Variants in TMC6 observed in about 807,000 individuals in gnomAD.
TMC6 encodes transmembrane channel like 6.
In TMC6, 71 loss-of-function variants were observed where a neutral mutation model predicts 95.4. The ratio of observed to expected loss-of-function variants is 0.74; its 90% CI spans 0.61 to 0.91. TMC6 has a LOEUF of 0.91. Ranked by LOEUF, TMC6 falls within the 40% of genes least tolerant of loss-of-function variation. The pLI is 0.00. For missense variants in TMC6, 1,074 were observed against 1,079.1 expected (o/e 1.00, Z 0.07); for synonymous variants, 514 against 483.1 (o/e 1.06, Z -0.84).
intron 15 of TMC6, among the ~76,000 whole-genome samples, chr17:78,118,435 A>G (rs1458346808): frequency 6.6e-6 from 1 of 152,234 alleles, no homozygotes; most frequent in Non-Finnish European, 1.5e-5. Flanking sequence ...GGGCGCCTGT[A>G]GTCCCAGCCA....
In TMC6 at chr17:78,117,294, C is replaced by G; in HGVS notation, c.2252G>C (p.Cys751Ser). Residue 751 changes from cysteine to serine, a missense_variant, in exon 18 of 20, where the codon TGC (cysteine) becomes TCC (serine). By Grantham distance (112) the Cys-to-Ser change is moderately radical. Coordinates refer to ENST00000590602, the MANE Select transcript of TMC6 (RefSeq NM_001127198.5). ...ATTGCTGATCTGCTCCTTGAGCAGG[C>G]AGATGACCTTGCGCTGGCCCCGCAC... is the stretch of plus-strand genomic sequence containing the variant. Reference protein sequence around the residue: ...QVVRGQRKVICLLKEQISNEG... With the variant: ...QVVRGQRKVISLLKEQISNEG... 1 of 1,613,532 alleles carries G rather than the reference C, an allele frequency of 6.2e-7. No homozygotes were observed. The highest frequency in any genetic ancestry group is 8.5e-7 in the Non-Finnish European group (1 of 1,179,984).
At position 78,115,593 on chromosome 17, in the gene TMC6, A is replaced by T. The variant is rs115846686; in HGVS notation, c.2277+1676T>A. On this transcript the variant is annotated intron_variant, in intron 18 of 19. Transcript: ENST00000590602. ...CCAACTTGGTGGGTGCCCAGTGGGC[A>T]AGGAGGTCCTCCTGGGCAGAGAGGA... Among the ~76,000 whole-genome samples the T allele has an allele frequency of 7.9e-3, 1,191 of 150,656 alleles. 24 individuals are homozygous for T. Among genetic ancestry groups the T allele is most frequent in the African/African-American group, 0.028 (1,124 of 40,306 alleles).
chr17:78,131,915 GC>G, upstream of TMC6: 1 of 1,496,272 alleles, frequency 6.7e-7, no homozygotes, highest in Non-Finnish European at 8.9e-7. Flanking sequence ...TGCAGACCTT[GC>G]GCTGGCAGCG....
Position 78,121,747 on chromosome 17 carries a change from G to C in TMC6, c.1228-36C>G. 1 of 1,549,630 alleles carries C rather than the reference G, an allele frequency of 6.5e-7. No homozygotes were observed. Among genetic ancestry groups the C allele is most frequent in the South Asian group, 1.2e-5 (1 of 85,374 alleles). On this transcript the variant is annotated intron_variant, in intron 10 of 19. Transcript: ENST00000590602. This position sits in a 1 kb window ranked among gnomAD's most constrained non-coding sequence, Gnocchi z 5.6. ...CACCGTGTCCCCGTCACCCACACCA[G>C]AGCACGGGCACACGCAGACGTGCAG...
At chr17:78,119,140 G>T in intron 14 of TMC6, 94 bp from the exon 15 acceptor site, 1 of 1,494,202 alleles carries the variant, frequency 6.7e-7, no homozygotes, top group East Asian at 2.4e-5. Flanking sequence ...ATGTGACAGT[G>T]GCCAAAACTG....
In TMC6 at chr17:78,122,733, C is replaced by A. The variant is rs754608724; in HGVS notation, c.1099G>T (p.Gly367Trp). ...GTGCTGCCCACCCGGTAGCTCTCCC[C>A]GAAAGAGTGAGCCATGCTGGGGAGA... The part of the protein sequence containing the change: ...TLVYSMAHSF[G>W]ESYRVGSTSG... Residue 367 changes from glycine (G) to tryptophan (W), a missense_variant, in exon 10 of 20, where the codon GGG (glycine) becomes TGG (tryptophan). Transcript: ENST00000590602. The surrounding 1 kb of genome is among the most constrained non-coding windows in gnomAD (Gnocchi z 4.9). The A allele has an allele frequency of 6.2e-7, 1 of 1,610,604 alleles. No individual in the cohort carries two copies. Among genetic ancestry groups the A allele is most frequent in the Non-Finnish European group, 8.5e-7 (1 of 1,179,042 alleles).
At chr17:78,127,831 C>CCCT (rs1233997556) in intron 1 of TMC6, among the ~76,000 whole-genome samples, 2 of 152,252 alleles carry the variant, frequency 1.3e-5, no homozygotes, top group Non-Finnish European at 2.9e-5. Context: ...CCGGACGGCG[C>CCCT]CCTCCCTCAG....
rs946939701 is a variant in TMC6 at position 78,112,805 on chromosome 17, G to A, written c.*343C>T. ...ATCTGGGGCTTGGCCAGCAGAGGGC[G>A]CCCCCACTCCAGCTGAGGTTCCCAG... On this transcript the variant is annotated 3_prime_UTR_variant, in exon 20 of 20. Coordinates refer to ENST00000590602, the MANE Select transcript of TMC6 (RefSeq NM_001127198.5). 12 of 394,330 alleles carry A rather than the reference G, an allele frequency of 3.0e-5. No individual in the cohort carries two copies. The highest frequency in any genetic ancestry group is 4.3e-5 in the Admixed American group (1 of 23,102). 24.4% of individuals were successfully genotyped at this position (394,330 alleles called of 1,614,324 possible). A position where few individuals can be genotyped will look rare whatever the true frequency, so the allele number is the denominator to read the frequency against.
upstream of TMC6, chr17:78,131,986 C>T: frequency 6.5e-7 from 1 of 1,526,790 alleles, no homozygotes; most frequent in South Asian, 1.2e-5. Context: ...CAGCGGCTGG[C>T]CCGGGGCCTT....
At chr17:78,118,896 T>C in intron 15 of TMC6, 75 bp downstream of exon 15, 2 of 1,490,606 alleles carry the variant, frequency 1.3e-6, no homozygotes, top group Non-Finnish European at 1.8e-6. Context: ...TGTCCCAGGC[T>C]CTGCCCAGCT....
In TMC6 at chr17:78,126,863, C is replaced by G; in HGVS notation, c.-31G>C. The stretch of plus-strand genomic sequence containing the variant: ...TGGCCAATGCCCGCTAGTCTGCAGA[C>G]CTAGGGTAGCTCAGAGCCTGGGCGC... On this transcript the variant is annotated 5_prime_UTR_variant, in exon 2 of 20. Transcript: ENST00000590602. The G allele has an allele frequency of 6.2e-7, 1 of 1,609,364 alleles. No individual in the cohort carries two copies. Among genetic ancestry groups the G allele is most frequent in the Non-Finnish European group, 8.5e-7 (1 of 1,178,890 alleles).
At chr17:78,115,374 C>T (rs1041517258) in intron 18 of TMC6, among the ~76,000 whole-genome samples, 2 of 152,156 alleles carry the variant, frequency 1.3e-5, no homozygotes, top group Non-Finnish European at 2.9e-5. Flanking sequence ...CACTCACCAG[C>T]CCCAGAGTGA....
Position 78,121,149 on chromosome 17 carries a change from C to T in TMC6, c.1399G>A (p.Gly467Ser). 1 of 1,597,594 alleles carries T rather than the reference C, an allele frequency of 6.3e-7. No homozygotes were observed. Residue 467 changes from glycine (G) to serine (S), a missense_variant, in exon 12 of 20, where the codon GGC becomes AGC. Physicochemically the swap from Gly to Ser is moderately conservative, Grantham distance 56. Transcript: ENST00000590602. This position sits in a 1 kb window ranked among gnomAD's most constrained non-coding sequence, Gnocchi z 5.6. ...EFMIQSPEAAGQEAVLLVLPL... is the reference protein window; with the variant it reads ...EFMIQSPEAASQEAVLLVLPL... ...AGGACCAGCAGCACAGCCTCCTGGC[C>T]AGCAGCCTCTGGACTCTGCAGGGGT...
chr17:78,125,378 T>G, intron 5 of TMC6, 115 bp from the exon 6 acceptor site: 1 of 943,058 alleles, frequency 1.1e-6, no homozygotes, highest in Non-Finnish European at 1.6e-6. Context: ...GACACCTCGG[T>G]GCCCTTATTT....
Position 78,122,744 on chromosome 17 carries a change from G to C in TMC6, c.1088C>G (p.Ala363Gly). 6.2e-7 allele frequency: 1 copy of C among 1,609,992 alleles called. No individual in the cohort carries two copies. The highest frequency in any genetic ancestry group is 8.5e-7 in the Non-Finnish European group (1 of 1,178,864). The change falls in exon 10 of 20, where the codon GCT becomes GGT. Residue 363 changes from alanine to glycine, a missense_variant. Ala to Gly is a moderately conservative substitution (Grantham distance 60). Transcript: ENST00000590602. The surrounding 1 kb of genome is among the most constrained non-coding windows in gnomAD (Gnocchi z 4.9). Reference protein sequence around the residue: ...ITCITLVYSMAHSFGESYRVG... With the variant: ...ITCITLVYSMGHSFGESYRVG... ...CCGGTAGCTCTCCCCGAAAGAGTGAGCCATGCTGGGGAGAAGCAGACACAG... is the reference window on the plus strand; with the variant it reads ...CCGGTAGCTCTCCCCGAAAGAGTGACCCATGCTGGGGAGAAGCAGACACAG...
At position 78,111,136 on chromosome 17, in the gene TMC6, T is replaced by C. The variant is rs912880001; in HGVS notation, c.*2012A>G. 6.6e-6 allele frequency: 1 copy of C among 152,296 alleles called. No individual in the cohort carries two copies. The highest frequency in any genetic ancestry group is 1.5e-5 in the Non-Finnish European group (1 of 68,074). 9.4% of individuals were successfully genotyped at this position (152,296 alleles called of 1,614,324 possible). A position where few individuals can be genotyped will look rare whatever the true frequency, so the allele number is the denominator to read the frequency against. On this transcript the variant is annotated 3_prime_UTR_variant, in exon 20 of 20. Coordinates refer to ENST00000590602, the MANE Select transcript of TMC6 (RefSeq NM_001127198.5). ...AGGATGATCTTTAGGTGAAATCGACTGTAGGTGTTCACCACATTCCAGCAG... is the reference window on the plus strand; with the variant it reads ...AGGATGATCTTTAGGTGAAATCGACCGTAGGTGTTCACCACATTCCAGCAG...
intron 15 of TMC6, among the ~76,000 whole-genome samples, chr17:78,118,660 T>C (rs1474088150): frequency 6.6e-6 from 1 of 152,194 alleles, no homozygotes; most frequent in Non-Finnish European, 1.5e-5. Context: ...CAGCATCACT[T>C]TTCCAGGGAC....
upstream of TMC6, among the ~76,000 whole-genome samples, chr17:78,130,307 T>A (rs1163109720): frequency 6.6e-6 from 1 of 152,170 alleles, no homozygotes; most frequent in African/African-American, 2.4e-5. Context: ...CACCATCCTG[T>A]CATTATCACA....
At chr17:78,119,155 C>T (rs1164956065) in intron 14 of TMC6, 109 bp from the exon 15 acceptor site, 27 of 1,497,480 alleles carry the variant, frequency 1.8e-5, no homozygotes, top group Admixed American at 3.6e-5. Flanking sequence ...AAACTGAGTC[C>T]CCGGGGTTAG....
Sources: gnomAD v4.1 joint callset for allele counts (sites outside exome capture counted in the v4.1 genomes callset) on GRCh38, gnomAD v4.1.1 for gene constraint, Gnocchi (gnomAD v3.1) non-coding constraint, MANE v1.5 for transcripts, NCBI Gene and HGNC (gene_info 2026-07-23, HGNC 2026-07-21) for gene names.